Variants in SDCCAG8 observed in about 807,000 individuals in gnomAD.
SDCCAG8 encodes serologically defined colon cancer antigen 8.
A neutral mutation model predicts 101.8 loss-of-function variants in SDCCAG8; 74 were observed. The ratio of observed to expected loss-of-function variants is 0.73; its 90% CI spans 0.60 to 0.88. The LOEUF is 0.88. Ranked by LOEUF, SDCCAG8 falls within the 40% of genes least tolerant of loss-of-function variation. SDCCAG8 has a pLI of 0.00. For synonymous variants in SDCCAG8, 281 were observed against 292.9 expected (o/e 0.96, Z 0.41); for missense variants, 787 against 822.6 (o/e 0.96, Z 0.53).
chr1:243,370,705 G>A (rs1485760059), intron 12 of SDCCAG8, among the ~76,000 whole-genome samples: 2 of 151,994 alleles, frequency 1.3e-5, no homozygotes, highest in Non-Finnish European at 2.9e-5. Context: ...TTGAACACTT[G>A]TTTTGGCTGA....
At chr1:243,387,221 A>T (rs924011036) in intron 13 of SDCCAG8, among the ~76,000 whole-genome samples, 1 of 152,164 alleles carries the variant, frequency 6.6e-6, no homozygotes, top group African/African-American at 2.4e-5. Flanking sequence ...GCTTACTGAG[A>T]CATTCTTTTC....
chr1:243,351,508 A>T (rs892228788), intron 12 of SDCCAG8, among the ~76,000 whole-genome samples: 13 of 152,242 alleles, frequency 8.5e-5, no homozygotes, highest in African/African-American at 3.1e-4. Flanking sequence ...GCTACAGCCC[A>T]TGAGAGGGAG....
At chr1:243,275,263 C>CT (rs921788220) in intron 4 of SDCCAG8, among the ~76,000 whole-genome samples, 118 of 149,762 alleles carry the variant, frequency 7.9e-4, no homozygotes, top group Non-Finnish European at 1.4e-3. Flanking sequence ...TCGTGTTTTA[C>CT]TTTTTTTTTT....
At chr1:243,388,402 G>A (rs559843024) in intron 13 of SDCCAG8, among the ~76,000 whole-genome samples, 22 of 152,090 alleles carry the variant, frequency 1.4e-4, no homozygotes, top group South Asian at 2.1e-4. Context: ...GCACACACAC[G>A]CACTTTTGGG....
intron 12 of SDCCAG8, among the ~76,000 whole-genome samples, chr1:243,368,804 A>G (rs969031781): frequency 1.3e-5 from 2 of 152,154 alleles, no homozygotes; most frequent in Admixed American, 6.6e-5. Context: ...CAAATCTACA[A>G]TCTTCACAAG....
chr1:243,407,230 G>A (rs1309430581), intron 13 of SDCCAG8, among the ~76,000 whole-genome samples: 1 of 152,172 alleles, frequency 6.6e-6, no homozygotes, highest in African/African-American at 2.4e-5. Context: ...GCAGTGCCAT[G>A]GAATGGAAAG....
chr1:243,305,908 G>C (rs2072049992), intron 7 of SDCCAG8: 1 of 151,914 alleles, frequency 6.6e-6, no homozygotes, highest in South Asian at 2.1e-4. Flanking sequence ...GGCCAATATG[G>C]TAAAACCCTG....
intron 17 of SDCCAG8, 50 bp downstream of exon 17, chr1:243,489,190 A>T: frequency 6.2e-7 from 1 of 1,601,302 alleles, no homozygotes; most frequent in Non-Finnish European, 8.5e-7. Flanking sequence ...GGGCGTCTAC[A>T]GGTGGATCTT....
intron 15 of SDCCAG8, 28 bp downstream of exon 15, chr1:243,418,104 G>A (rs1344238792): frequency 2.0e-6 from 3 of 1,464,614 alleles, no homozygotes. Flanking sequence ...ATACTTTCAA[G>A]AGCACTGTTT....
intron 9 of SDCCAG8, among the ~76,000 whole-genome samples, chr1:243,328,181 C>T (rs906286088): frequency 6.6e-6 from 1 of 152,070 alleles, no homozygotes; most frequent in African/African-American, 2.4e-5. Flanking sequence ...GGATTAAAGA[C>T]ATGAGCCACT....
chr1:243,272,827 A>G (rs1212096694), intron 3 of SDCCAG8, among the ~76,000 whole-genome samples: 1 of 152,250 alleles, frequency 6.6e-6, no homozygotes, highest in African/African-American at 2.4e-5. Context: ...ATGCACTTTC[A>G]TAGCCAGTAT....
At chr1:243,379,801 A>T (rs1041038884) in intron 13 of SDCCAG8, among the ~76,000 whole-genome samples, 3 of 152,222 alleles carry the variant, frequency 2.0e-5, no homozygotes, top group African/African-American at 7.2e-5. Flanking sequence ...TGGTCTTCCA[A>T]TCATAGTAAT....
chr1:243,359,359 T>C (rs1223569611), intron 12 of SDCCAG8, among the ~76,000 whole-genome samples: 1 of 152,254 alleles, frequency 6.6e-6, no homozygotes, highest in African/African-American at 2.4e-5. Flanking sequence ...GTGAATGTAC[T>C]AAACTCCGTG....
At chr1:243,420,174 C>T (rs1462617096) in intron 15 of SDCCAG8, among the ~76,000 whole-genome samples, 2 of 152,192 alleles carry the variant, frequency 1.3e-5, no homozygotes, top group Admixed American at 6.5e-5. Flanking sequence ...TTGAATCTCA[C>T]TCTCCCACTT....
intron 10 of SDCCAG8, among the ~76,000 whole-genome samples, chr1:243,336,945 G>T (rs2075052148): frequency 6.6e-6 from 1 of 152,022 alleles, no homozygotes; most frequent in South Asian, 2.1e-4. Flanking sequence ...CATTCTGTAG[G>T]TTGTCTGTTT....
chr1:243,258,201 A>AC (rs397983568), intron 1 of SDCCAG8, among the ~76,000 whole-genome samples: 2 of 152,030 alleles, frequency 1.3e-5, no homozygotes, highest in Non-Finnish European at 2.9e-5. Context: ...TTAAAAAAAA[A>AC]CGTATTCATA....
At chr1:243,289,873 G>T (rs2070049139) in intron 5 of SDCCAG8, among the ~76,000 whole-genome samples, 1 of 151,858 alleles carries the variant, frequency 6.6e-6, no homozygotes, top group Admixed American at 6.6e-5. Flanking sequence ...CCTTTTTATT[G>T]TCTCCTGCTT....
chr1:243,462,648 A>T (rs1248359538), intron 16 of SDCCAG8, among the ~76,000 whole-genome samples: 1 of 151,920 alleles, frequency 6.6e-6, no homozygotes, highest in Non-Finnish European at 1.5e-5. Context: ...TTTACATTGT[A>T]TTTTTTTCAC....
chr1:243,399,424 GAAAC>G (rs1275603628), intron 13 of SDCCAG8, among the ~76,000 whole-genome samples: 4 of 152,142 alleles, frequency 2.6e-5, no homozygotes, highest in African/African-American at 9.7e-5. Flanking sequence ...ACTGGTTCTT[GAAAC>G]AAACAAAACA....
Sources: gnomAD v4.1 joint callset for allele counts (sites outside exome capture counted in the v4.1 genomes callset) on GRCh38, gnomAD v4.1.1 for gene constraint, MANE v1.5 for transcripts, NCBI Gene and HGNC (gene_info 2026-07-23, HGNC 2026-07-21) for gene names.